EMB: variants seen among roughly 807,000 people sequenced by gnomAD.
EMB encodes embigin homolog.
Under a neutral mutation model 41.4 loss-of-function variants are expected in EMB, and 31 were observed. The observed-to-expected ratio is 0.75, with a 90% confidence interval of 0.56 to 1.01. EMB has a LOEUF of 1.01. Among genes scored for constraint, EMB ranks in the 50% least tolerant of loss-of-function variants. The pLI is 0.00. For missense variants in EMB, 379 were observed against 388.3 expected (o/e 0.98, Z 0.20); for synonymous variants, 137 against 140.4 (o/e 0.98, Z 0.17).
chr5:50,420,982 T>A (rs540315294), intron 2 of EMB, among the ~76,000 whole-genome samples: 58 of 152,342 alleles, frequency 3.8e-4, no homozygotes, highest in South Asian at 3.7e-3. Flanking sequence ...ATATGCTATA[T>A]GTGATATAGA....
At chr5:50,423,826 G>C (rs962883693) in intron 2 of EMB, among the ~76,000 whole-genome samples, 1 of 152,124 alleles carries the variant, frequency 6.6e-6, no homozygotes, top group Non-Finnish European at 1.5e-5. Context: ...GGGATTTGCA[G>C]GTTTAAAAAA....
intron 2 of EMB, among the ~76,000 whole-genome samples, chr5:50,427,221 CA>C (rs1263097959): frequency 6.6e-6 from 1 of 152,140 alleles, no homozygotes; most frequent in Admixed American, 6.5e-5. Context: ...CCCTGAACTC[CA>C]ATTCTGTTCT....
intron 1 of EMB, among the ~76,000 whole-genome samples, chr5:50,434,636 A>G (rs575175703): frequency 6.6e-6 from 1 of 152,348 alleles, no homozygotes; most frequent in South Asian, 2.1e-4. Context: ...TCAGAAGTAT[A>G]TAATTGCAAG....
chr5:50,420,004 G>C (rs796093544), intron 2 of EMB, among the ~76,000 whole-genome samples: 2 of 149,698 alleles, frequency 1.3e-5, no homozygotes, highest in African/African-American at 5.0e-5. Flanking sequence ...ACAGGGAGGG[G>C]AACAACACAC....
chr5:50,441,410 G>A, upstream of EMB: 1 of 307,002 alleles, frequency 3.3e-6, no homozygotes. Context: ...TGCGGTGGCG[G>A]TGCTACTTCC....
intron 7 of EMB, among the ~76,000 whole-genome samples, chr5:50,402,003 A>G (rs1745170001): frequency 6.6e-6 from 1 of 151,964 alleles, no homozygotes; most frequent in African/African-American, 2.4e-5. Flanking sequence ...ATTTACACAT[A>G]TATAATATTC....
chr5:50,426,818 T>C (rs1046417530), intron 2 of EMB, among the ~76,000 whole-genome samples: 2 of 148,850 alleles, frequency 1.3e-5, no homozygotes, highest in African/African-American at 5.0e-5. Context: ...CTATGGTTCA[T>C]AAGGTAAAAA....
At position 50,400,951 on chromosome 5, in the gene EMB, G is replaced by A. The variant is rs539059042; in HGVS notation, c.912-1038C>T. On this transcript the variant is annotated intron_variant, in intron 7 of 8. Transcript: ENST00000303221. ...GAATGGTTAGAGACAGTGGGAGGCA[G>A]AGCTCGGAGAATAGAGGAATCCGAG... 5.9e-5 allele frequency among the ~76,000 whole-genome samples: 9 copies of A among 152,154 alleles called. No homozygotes were observed. The South Asian group carries it at 1.9e-3, about 32-fold the overall frequency.
At chr5:50,403,563 A>C in intron 5 of EMB, 109 bp from the exon 6 acceptor site, 1 of 1,212,572 alleles carries the variant, frequency 8.2e-7, no homozygotes, top group Non-Finnish European at 1.2e-6. Context: ...TGCTTACTAG[A>C]GAAAGGCATA....
chr5:50,419,969 A>G (rs1745491174), intron 2 of EMB, among the ~76,000 whole-genome samples: 1 of 152,142 alleles, frequency 6.6e-6, no homozygotes, highest in African/African-American at 2.4e-5. Flanking sequence ...TATAAGTGGG[A>G]GCTGAACAAT....
At chr5:50,437,499 T>C (rs1272773427) in intron 1 of EMB, among the ~76,000 whole-genome samples, 1 of 152,184 alleles carries the variant, frequency 6.6e-6, no homozygotes, top group African/African-American at 2.4e-5. Context: ...GACTCCTTTT[T>C]AAATTTACAT....
chr5:50,427,577 C>T (rs551019394), intron 2 of EMB, among the ~76,000 whole-genome samples: 2 of 151,932 alleles, frequency 1.3e-5, no homozygotes, highest in South Asian at 4.1e-4. Flanking sequence ...GGCTCAACTT[C>T]GGCTCACTGA....
At chr5:50,426,906 A>G (rs1745620044) in intron 2 of EMB, among the ~76,000 whole-genome samples, 1 of 151,702 alleles carries the variant, frequency 6.6e-6, no homozygotes, top group African/African-American at 2.4e-5. Context: ...AAGAAAAAAA[A>G]AAAAAAAAAC....
chr5:50,430,539 T>C (rs2111853682), intron 1 of EMB, among the ~76,000 whole-genome samples: 1 of 152,100 alleles, frequency 6.6e-6, no homozygotes, highest in Middle Eastern at 3.4e-3. Context: ...AATATGAAGC[T>C]GGGCAAACTT....
intron 1 of EMB, among the ~76,000 whole-genome samples, chr5:50,438,358 C>A (rs1579747541): frequency 6.6e-6 from 1 of 152,194 alleles, no homozygotes; most frequent in African/African-American, 2.4e-5. Flanking sequence ...GTGAGAATTC[C>A]CCAGGAGTGC....
Position 50,399,104 on chromosome 5 carries a change from T to C in EMB, c.*169A>G. The C allele has an allele frequency of 3.9e-6, 3 of 770,466 alleles. No homozygotes were observed. The highest frequency in any genetic ancestry group is 6.3e-5 in the South Asian group (2 of 31,868). 47.7% of individuals were successfully genotyped at this position (770,466 alleles called of 1,614,324 possible). On this transcript the variant is annotated 3_prime_UTR_variant, in exon 9 of 9. Coordinates refer to ENST00000303221, the MANE Select transcript of EMB (RefSeq NM_198449.3). Reference sequence around the variant, plus strand: ...GTAACATAATTACAGAATGAAAATATACCTTTAGATCTGACATATATCGTT... The same window carrying C: ...GTAACATAATTACAGAATGAAAATACACCTTTAGATCTGACATATATCGTT...
At chr5:50,427,377 T>C (rs1745629275) in intron 2 of EMB, among the ~76,000 whole-genome samples, 1 of 152,064 alleles carries the variant, frequency 6.6e-6, no homozygotes, top group Non-Finnish European at 1.5e-5. Context: ...GGGAAGGCAC[T>C]AGAGCAACAA....
At chr5:50,410,313 G>T (rs1203385448) in intron 4 of EMB, among the ~76,000 whole-genome samples, 1 of 152,062 alleles carries the variant, frequency 6.6e-6, no homozygotes, top group Non-Finnish European at 1.5e-5. Flanking sequence ...TTGGTTTAAT[G>T]ATGGTAACAG....
chr5:50,408,796 A>G (rs1745287146), intron 4 of EMB, among the ~76,000 whole-genome samples: 1 of 152,080 alleles, frequency 6.6e-6, no homozygotes, highest in Non-Finnish European at 1.5e-5. Context: ...AGCCTTTCAG[A>G]CCTATTAAAT....
Sources: allele counts gnomAD v4.1 joint callset (sites outside exome capture counted in the v4.1 genomes callset), GRCh38; gene constraint gnomAD v4.1.1; transcripts MANE v1.5; gene names NCBI Gene and HGNC (gene_info 2026-07-23, HGNC 2026-07-21).